The following NRG3 variants were observed in gnomAD, a reference collection of about 807,000 sequenced individuals.
NRG3 encodes neuregulin 3, also known as pro-neuregulin-3, membrane-bound isoform.
In NRG3, 31 loss-of-function variants were observed where a neutral mutation model predicts 66.9. The ratio of observed to expected loss-of-function variants is 0.46; its 90% CI spans 0.35 to 0.63. The LOEUF is 0.63. NRG3 is among the 20% of genes least tolerant of loss of function. The pLI is 0.00. For missense variants in NRG3, 910 were observed against 878.9 expected, an observed-to-expected ratio of 1.04 and a Z score of -0.45; for synonymous variants, 393 against 359.4, an observed-to-expected ratio of 1.09 and a Z score of -1.06.
At chr10:82,079,290 A>T (rs1161921128) in intron 1 of NRG3, among the ~76,000 whole-genome samples, 1 of 151,886 alleles carries the variant, frequency 6.6e-6, no homozygotes, top group Non-Finnish European at 1.5e-5. Context: ...CACCCGCCTC[A>T]GCCTCCCAAA....
intron 2 of NRG3, among the ~76,000 whole-genome samples, chr10:82,422,429 C>A (rs1000515937): frequency 6.6e-6 from 1 of 151,986 alleles, no homozygotes; most frequent in Non-Finnish European, 1.5e-5. Flanking sequence ...ACTGGGAAAG[C>A]CCCTGTTAAT....
chr10:82,867,758 T>C (rs1220827696), intron 4 of NRG3, among the ~76,000 whole-genome samples: 1 of 151,892 alleles, frequency 6.6e-6, no homozygotes, highest in Non-Finnish European at 1.5e-5. Context: ...AAGTGGAGGG[T>C]ATAACTGGTG....
intron 1 of NRG3, among the ~76,000 whole-genome samples, chr10:81,964,006 A>G (rs1291852522): frequency 6.6e-6 from 1 of 152,190 alleles, no homozygotes; most frequent in Non-Finnish European, 1.5e-5. Context: ...ATACATGAGT[A>G]CATTCTGTTT....
At chr10:82,738,125 T>C (rs1157490313) in intron 2 of NRG3, among the ~76,000 whole-genome samples, 1 of 151,342 alleles carries the variant, frequency 6.6e-6, no homozygotes, top group Non-Finnish European at 1.5e-5. Flanking sequence ...ATAAAACACA[T>C]GGAAACCAAA....
intron 2 of NRG3, among the ~76,000 whole-genome samples, chr10:82,656,992 C>G (rs1331662869): frequency 6.6e-6 from 1 of 152,066 alleles, no homozygotes; most frequent in Non-Finnish European, 1.5e-5. Context: ...TTCCAACATG[C>G]CAGGCAGGCT....
Position 82,538,843 on chromosome 10 carries a change from A to G in NRG3, c.953+179975A>G, listed in dbSNP as rs1332073497. On this transcript the variant is annotated intron_variant, in intron 2 of 8. Transcript: ENST00000372141. Reference sequence around the variant, plus strand: ...GTCCAAACCATGTATTAATAGGTAGAGGAACTATACTCTAGGTAAGTGGGA... The same window carrying G: ...GTCCAAACCATGTATTAATAGGTAGGGGAACTATACTCTAGGTAAGTGGGA... Among the ~76,000 whole-genome samples, 6 of 152,292 alleles carry G rather than the reference A, an allele frequency of 3.9e-5. No homozygotes were observed. The East Asian group carries it at 1.2e-3, about 29-fold the overall frequency.
intron 2 of NRG3, among the ~76,000 whole-genome samples, chr10:82,487,411 T>A (rs971342788): frequency 6.6e-6 from 1 of 152,072 alleles, no homozygotes; most frequent in African/African-American, 2.4e-5. Flanking sequence ...ATTTTAATCC[T>A]CCACACAAAC....
In NRG3 at chr10:82,728,971, GTGTT is replaced by G. The variant is rs540181965; in HGVS notation, c.954-9598_954-9595del. Among the ~76,000 whole-genome samples the G allele has an allele frequency of 6.7e-3, 994 of 148,016 alleles. 6 individuals carry two copies. The highest frequency in any genetic ancestry group is 0.01 in the Non-Finnish European group (664 of 65,250). ...GATGTATTTACAAGGAATAAGGGCA[GTGTT>G]TGTTTGTGTGTGTGTGTGAGGGTGT... is the stretch of plus-strand genomic sequence containing the variant. On this transcript the variant is annotated intron_variant, in intron 2 of 8. Transcript: ENST00000372141.
At chr10:82,660,196 C>CAAAAAAAAAAAAAAAAAAA (rs58870828) in intron 2 of NRG3, among the ~76,000 whole-genome samples, 2 of 19,562 alleles carry the variant, frequency 1.0e-4, no homozygotes, top group African/African-American at 1.6e-4. Flanking sequence ...AACTCCCTCT[C>CAAAAAAAAAAAAAAAAAAA]AAAAAAAAAA....
At chr10:82,667,777 T>G (rs1477752714) in intron 2 of NRG3, among the ~76,000 whole-genome samples, 2 of 152,166 alleles carry the variant, frequency 1.3e-5, no homozygotes, top group African/African-American at 4.8e-5. Context: ...GACTTCATGA[T>G]TCTGCTAGTA....
At chr10:82,616,878 A>G (rs1283420612) in intron 2 of NRG3, among the ~76,000 whole-genome samples, 3 of 152,150 alleles carry the variant, frequency 2.0e-5, no homozygotes, top group African/African-American at 7.2e-5. Flanking sequence ...TATTAAATAG[A>G]TCATTTTTCT....
At chr10:82,702,279 C>T (rs925786540) in intron 2 of NRG3, among the ~76,000 whole-genome samples, 4 of 151,898 alleles carry the variant, frequency 2.6e-5, no homozygotes, top group East Asian at 1.9e-4. Flanking sequence ...ATAAATTGAC[C>T]GAAAATATAG....
intron 4 of NRG3, among the ~76,000 whole-genome samples, chr10:82,941,726 C>T (rs1306831425): frequency 2.0e-5 from 3 of 152,126 alleles, no homozygotes; most frequent in Non-Finnish European, 4.4e-5. Context: ...AGTGAAGACT[C>T]ATTTCATAAA....
rs147541053 is a variant in NRG3 at position 82,888,489 on chromosome 10, T to C, written c.1054+23052T>C. The stretch of plus-strand genomic sequence containing the variant: ...CCCAGACCTTCTCATCACAAAAATC[T>C]CTTTTACAAGAAACAATTGTTAAAT... On this transcript the variant is annotated intron_variant, in intron 4 of 8. Transcript: ENST00000372141. 2.4e-3 allele frequency among the ~76,000 whole-genome samples: 362 copies of C among 152,272 alleles called. 3 individuals carry two copies. Among genetic ancestry groups the C allele is most frequent in the African/African-American group, 8.4e-3 (349 of 41,560 alleles).
At position 82,895,486 on chromosome 10, in the gene NRG3, C is replaced by CTTTT. The variant is rs57655284; in HGVS notation, c.1054+30063_1054+30066dup. Reference sequence around the variant, plus strand: ...AAAGACAATCCAGCACAATAACATTCTTTTTTTTTTTTTTTTTGAGACAGA... The same window carrying CTTTT: ...AAAGACAATCCAGCACAATAACATTCTTTTTTTTTTTTTTTTTTTTTGAGACAGA... On this transcript the variant is annotated intron_variant, in intron 4 of 8. Coordinates refer to ENST00000372141, the MANE Select transcript of NRG3 (RefSeq NM_001010848.4). 1.5e-3 allele frequency among the ~76,000 whole-genome samples: 198 copies of CTTTT among 128,314 alleles called. 10 individuals are homozygous for CTTTT. The highest frequency in any genetic ancestry group is 9.4e-3 in the East Asian group (40 of 4,272). 84.2% of individuals were successfully genotyped at this position (128,314 alleles called of 152,430 possible). A position where few individuals can be genotyped will look rare whatever the true frequency, so the allele number is the denominator to read the frequency against.
intron 3 of NRG3, among the ~76,000 whole-genome samples, chr10:82,777,018 T>C (rs4933848): frequency 0.053 from 8,013 of 152,274 alleles, 294 homozygotes; most frequent in Non-Finnish European, 0.081. Flanking sequence ...TGTTGATATC[T>C]GTGCATCTAG....
chr10:82,696,295 A>G (rs1205017367), intron 2 of NRG3, among the ~76,000 whole-genome samples: 1 of 152,134 alleles, frequency 6.6e-6, no homozygotes, highest in Non-Finnish European at 1.5e-5. Context: ...AACTTTTCCT[A>G]TTATACCATT....
In NRG3 at chr10:82,216,017, G is replaced by A. The variant is rs2075654974; in HGVS notation, c.824-142722G>A. Reference sequence around the variant, plus strand: ...GAATTTCTCTCTTTTGCCCAGGCTGGAGTGCAATGGCGCGATCTCGGCTCA... The same window carrying A: ...GAATTTCTCTCTTTTGCCCAGGCTGAAGTGCAATGGCGCGATCTCGGCTCA... On this transcript the variant is annotated intron_variant, in intron 1 of 8. Transcript: ENST00000372141. Among the ~76,000 whole-genome samples the A allele has an allele frequency of 3.6e-5, 5 of 138,730 alleles. No homozygotes were observed. In the Admixed American group the frequency reaches 3.8e-4, roughly 10 times the overall value. 91.0% of individuals were successfully genotyped at this position (138,730 alleles called of 152,430 possible).
chr10:82,691,188 A>G (rs545686516), intron 2 of NRG3, among the ~76,000 whole-genome samples: 7 of 152,176 alleles, frequency 4.6e-5, no homozygotes, highest in Non-Finnish European at 1.0e-4. Flanking sequence ...TTGGGAAAGA[A>G]GCACAAATGT....
Sources: gnomAD v4.1 joint callset for allele counts (sites outside exome capture counted in the v4.1 genomes callset) on GRCh38, gnomAD v4.1.1 for gene constraint, MANE v1.5 for transcripts, NCBI Gene and HGNC (gene_info 2026-07-23, HGNC 2026-07-21) for gene names.